RBFOX1: variants seen among roughly 807,000 people sequenced by gnomAD.
RBFOX1 encodes RNA binding fox-1 homolog 1.
RBFOX1 carries 8 observed loss-of-function variants against 57.7 expected under a neutral mutation model. That is an observed-to-expected ratio of 0.14 (90% CI 0.08 to 0.25). The LOEUF is 0.25. RBFOX1 is among the 10% of genes least tolerant of loss of function. The pLI, the probability that RBFOX1 is intolerant of heterozygous loss-of-function variation, is 1.00. For missense variants in RBFOX1, 611 were observed against 548.5 expected, an observed-to-expected ratio of 1.11 and a Z score of -1.14; for synonymous variants, 326 against 222.4, an observed-to-expected ratio of 1.47 and a Z score of -4.15.
chr16:5,901,944 C>T (rs2058314428), intron 4 of RBFOX1, among the ~76,000 whole-genome samples: 1 of 152,218 alleles, frequency 6.6e-6, no homozygotes, highest in South Asian at 2.1e-4. Flanking sequence ...CTAGAAGCGA[C>T]TTATCCTACG....
chr16:5,449,746 A>G (rs913983177), intron 1 of RBFOX1, among the ~76,000 whole-genome samples: 1 of 151,928 alleles, frequency 6.6e-6, no homozygotes, highest in African/African-American at 2.4e-5. Context: ...GTAGATGGAA[A>G]CACAGATGTA....
intron 4 of RBFOX1, among the ~76,000 whole-genome samples, chr16:7,433,838 G>T (rs952082947): frequency 2.0e-5 from 3 of 152,186 alleles, no homozygotes; most frequent in African/African-American, 7.2e-5. Context: ...TTTAACACCT[G>T]TGTGTGCCAT....
intron 4 of RBFOX1, among the ~76,000 whole-genome samples, chr16:7,196,120 C>T (rs1374387062): frequency 1.3e-5 from 2 of 152,084 alleles, no homozygotes; most frequent in Non-Finnish European, 1.5e-5. Context: ...TCATCCTACT[C>T]CTCCTCATTT....
chr16:5,667,728 T>C (rs566552923), intron 3 of RBFOX1, among the ~76,000 whole-genome samples: 1 of 152,340 alleles, frequency 6.6e-6, no homozygotes, highest in South Asian at 2.1e-4. Flanking sequence ...TTAGAATTAG[T>C]TTTTCTTTTT....
intron 3 of RBFOX1, among the ~76,000 whole-genome samples, chr16:6,728,745 G>C (rs2067832410): frequency 6.6e-6 from 1 of 152,132 alleles, no homozygotes; most frequent in African/African-American, 2.4e-5. Flanking sequence ...GAAACACGGT[G>C]TCTCCTTACC....
At chr16:6,780,212 TATATATTTA>T (rs1567214427) in intron 3 of RBFOX1, among the ~76,000 whole-genome samples, 2 of 16,614 alleles carry the variant, frequency 1.2e-4, no homozygotes, top group Non-Finnish European at 2.2e-4. Context: ...TATATATTTA[TATATATTTA>T]TATATATATT....
At chr16:7,174,828 A>T (rs935938627) in intron 4 of RBFOX1, among the ~76,000 whole-genome samples, 2 of 152,136 alleles carry the variant, frequency 1.3e-5, no homozygotes, top group Admixed American at 6.6e-5. Context: ...TATTTTTCCA[A>T]AGCGGTTGCG....
At chr16:6,472,393 C>T (rs1481923434) in intron 2 of RBFOX1, among the ~76,000 whole-genome samples, 2 of 152,186 alleles carry the variant, frequency 1.3e-5, no homozygotes, top group Admixed American at 6.5e-5. Context: ...AACCCTGAGT[C>T]AGGGATGCCC....
upstream of RBFOX1, among the ~76,000 whole-genome samples, chr16:6,017,530 G>A (rs918061672): frequency 2.0e-5 from 3 of 152,054 alleles, no homozygotes; most frequent in Non-Finnish European, 2.9e-5. Flanking sequence ...AAAAAAAATT[G>A]CTTACATACA....
At chr16:7,205,980 G>C (rs1567701642) in intron 4 of RBFOX1, among the ~76,000 whole-genome samples, 1 of 152,244 alleles carries the variant, frequency 6.6e-6, no homozygotes, top group South Asian at 2.1e-4. Context: ...GACATGATGA[G>C]CCTATGGCCG....
chr16:5,654,951 C>G (rs753852524), intron 3 of RBFOX1, among the ~76,000 whole-genome samples: 3 of 152,148 alleles, frequency 2.0e-5, no homozygotes, highest in East Asian at 3.9e-4. Context: ...CAGCTCCCCC[C>G]CAGCAAGTAG....
intron 3 of RBFOX1, among the ~76,000 whole-genome samples, chr16:7,022,727 C>T (rs762695885): frequency 3.8e-4 from 58 of 152,052 alleles, no homozygotes; most frequent in African/African-American, 6.5e-4. Context: ...TGAGGAAAAA[C>T]GAAGTCTTAG....
chr16:5,627,854 G>T (rs1001110284), intron 3 of RBFOX1, among the ~76,000 whole-genome samples: 1 of 152,168 alleles, frequency 6.6e-6, no homozygotes, highest in Non-Finnish European at 1.5e-5. Flanking sequence ...TTCATATAAG[G>T]GGGTTGAGCA....
rs562266601 is a variant in RBFOX1 at position 6,641,189 on chromosome 16, C to T, written c.-63-13414C>T. Among the ~76,000 whole-genome samples the T allele has an allele frequency of 6.4e-4, 97 of 152,256 alleles. No individual in the cohort carries two copies. In the East Asian group the frequency reaches 0.014, roughly 22 times the overall value. ...CCCGTAATCTTGTATTTGCAAACTG[C>T]ATCTTGGCTGTTTACGCTTCACCGA... On this transcript the variant is annotated intron_variant, in intron 2 of 15. Transcript: ENST00000550418.
intron 2 of RBFOX1, among the ~76,000 whole-genome samples, chr16:6,441,844 TG>T (rs1314591246): frequency 1.3e-5 from 2 of 152,184 alleles, no homozygotes; most frequent in African/African-American, 4.8e-5. Context: ...ATCCCAAGTC[TG>T]GGGAAGACAG....
intron 1 of RBFOX1, among the ~76,000 whole-genome samples, chr16:5,317,027 G>A (rs1276225298): frequency 6.6e-6 from 1 of 152,182 alleles, no homozygotes; most frequent in Non-Finnish European, 1.5e-5. Context: ...AGGTTCTGGA[G>A]CCTTTGGGCT....
intron 4 of RBFOX1, among the ~76,000 whole-genome samples, chr16:5,989,711 T>G (rs1446377742): frequency 1.3e-5 from 2 of 152,002 alleles, no homozygotes; most frequent in Non-Finnish European, 2.9e-5. Flanking sequence ...GAAGATGATC[T>G]CACTCATTTG....
intron 3 of RBFOX1, among the ~76,000 whole-genome samples, chr16:5,820,731 C>T (rs1052591961): frequency 6.6e-6 from 1 of 152,194 alleles, no homozygotes; most frequent in South Asian, 2.1e-4. Context: ...CTGAGTGACA[C>T]CGTTCCCCCG....
chr16:6,813,386 G>C (rs1223917209), intron 3 of RBFOX1, among the ~76,000 whole-genome samples: 1 of 152,114 alleles, frequency 6.6e-6, no homozygotes, highest in African/African-American at 2.4e-5. Context: ...CCCATCTTGA[G>C]AATGCTCGTA....
Sources: gnomAD v4.1 joint callset for allele counts (sites outside exome capture counted in the v4.1 genomes callset) on GRCh38, gnomAD v4.1.1 for gene constraint, MANE v1.5 for transcripts, NCBI Gene and HGNC (gene_info 2026-07-23, HGNC 2026-07-21) for gene names.